The following ARL13B variants were observed in gnomAD, a reference collection of about 807,000 sequenced individuals.
ARL13B encodes the protein ARF like GTPase 13B.
ARL13B carries 36 observed loss-of-function variants against 56.1 expected under a neutral mutation model. The ratio of observed to expected loss-of-function variants is 0.64; its 90% CI spans 0.49 to 0.85. The LOEUF (loss-of-function observed/expected upper bound fraction) is 0.85, where lower values mean the gene tolerates loss of function less well. Among genes scored for constraint, ARL13B ranks in the 40% least tolerant of loss-of-function variants. ARL13B has a pLI of 0.00. For synonymous variants in ARL13B, 178 were observed against 171.1 expected (o/e 1.04, Z -0.32); for missense variants, 519 against 507.1 (o/e 1.02, Z -0.23).
In ARL13B at chr3:93,980,355, C is replaced by T; in HGVS notation, c.-69C>T. Reference sequence around the variant, plus strand: ...GGGCGTCTCGGAGTGCCGGAGGCCCCCGGGGAAGAGCGGGGTGCCGGTGTC... The same window carrying T: ...GGGCGTCTCGGAGTGCCGGAGGCCCTCGGGGAAGAGCGGGGTGCCGGTGTC... On this transcript the variant is annotated 5_prime_UTR_variant, in exon 1 of 10. Coordinates refer to ENST00000394222, the MANE Select transcript of ARL13B (RefSeq NM_001174150.2). The T allele has an allele frequency of 1.3e-6, 2 of 1,596,486 alleles. No homozygotes were observed. The highest frequency in any genetic ancestry group is 1.7e-4 in the Middle Eastern group (1 of 6,034).
chr3:93,985,068 A>C (rs891152626), intron 1 of ARL13B, among the ~76,000 whole-genome samples: 1 of 152,190 alleles, frequency 6.6e-6, no homozygotes, highest in South Asian at 2.1e-4. Context: ...ATTCAAATAT[A>C]TTACTGTTTC....
At chr3:93,998,479 A>T (rs1409560752) in intron 2 of ARL13B, among the ~76,000 whole-genome samples, 1 of 152,052 alleles carries the variant, frequency 6.6e-6, no homozygotes, top group Non-Finnish European at 1.5e-5. Flanking sequence ...TCAGTTTCTT[A>T]CTTTGAAATT....
chr3:94,038,342 C>T (rs1049664891), intron 5 of ARL13B, among the ~76,000 whole-genome samples: 4 of 152,028 alleles, frequency 2.6e-5, no homozygotes, highest in African/African-American at 9.7e-5. Context: ...TTGCAAATCT[C>T]CAAATCTTGG....
chr3:93,980,554 CT>C, intron 1 of ARL13B, 72 bp downstream of exon 1: 2 of 1,579,894 alleles, frequency 1.3e-6, no homozygotes, highest in Non-Finnish European at 1.7e-6. Context: ...GAGGCGCCGC[CT>C]TTTCCCCGCG....
intron 3 of ARL13B, among the ~76,000 whole-genome samples, chr3:94,023,086 T>A (rs1212394875): frequency 1.3e-5 from 2 of 152,092 alleles, no homozygotes; most frequent in Admixed American, 1.3e-4. Context: ...TCCTCACCTT[T>A]CTTGGTTTAT....
rs144961534 is a variant in ARL13B at position 94,043,112 on chromosome 3, A to C, written c.896A>C (p.Glu299Ala). The C allele has an allele frequency of 7.5e-5, 121 of 1,613,696 alleles. No individual in the cohort carries two copies. The highest frequency in any genetic ancestry group is 9.6e-5 in the Non-Finnish European group (113 of 1,179,956). ...CATAAAATGGAGCATGAGCAAATAG[A>C]GACACAAGGCCAGGTTAATCACAAT... Reference protein sequence around the residue: ...LKHKMEHEQIETQGQVNHNGQ... With the variant: ...LKHKMEHEQIATQGQVNHNGQ... Residue 299 changes from glutamate (E) to alanine (A), a missense_variant, in exon 7 of 10, where the codon GAG (glutamate) becomes GCG (alanine). Transcript: ENST00000394222.
At chr3:94,004,747 A>G (rs2076105847) in intron 3 of ARL13B, among the ~76,000 whole-genome samples, 1 of 152,132 alleles carries the variant, frequency 6.6e-6, no homozygotes, top group African/African-American at 2.4e-5. Flanking sequence ...CTCTGATTGC[A>G]AAAGTTAAAA....
chr3:94,045,964 A>G (rs1299721609), intron 7 of ARL13B, among the ~76,000 whole-genome samples: 8 of 146,606 alleles, frequency 5.5e-5, no homozygotes, highest in African/African-American at 9.8e-5. Flanking sequence ...AAAAAAAAAA[A>G]AAAGAAAAAA....
chr3:94,015,328 T>A, intron 3 of ARL13B: 1 of 1,427,778 alleles, frequency 7.0e-7, no homozygotes, highest in African/African-American at 1.4e-5. Context: ...AATTTGGTAT[T>A]TTTCCCCAGT....
chr3:93,986,927 G>A (rs561076425), intron 1 of ARL13B, among the ~76,000 whole-genome samples: 26 of 151,434 alleles, frequency 1.7e-4, no homozygotes, highest in Middle Eastern at 6.8e-3. Context: ...TGGAGATCTC[G>A]CCACTGCACA....
chr3:94,002,813 A>G (rs950844379), intron 2 of ARL13B, among the ~76,000 whole-genome samples: 1 of 152,036 alleles, frequency 6.6e-6, no homozygotes, highest in African/African-American at 2.4e-5. Context: ...ACCCTCTTCT[A>G]TTTGCATTCC....
rs1471304988 is a variant in ARL13B, at chr3:94,024,250, A to G, written c.381-11081A>G. ...ATGAATTCTTAAAAATACAGCATAT[A>G]TAGCTGAAGTGCTAGTTGCCACATT... On this transcript the variant is annotated intron_variant, in intron 3 of 9. Coordinates refer to ENST00000394222, the MANE Select transcript of ARL13B (RefSeq NM_001174150.2). 3.3e-5 allele frequency among the ~76,000 whole-genome samples: 5 copies of G among 152,348 alleles called. No homozygotes were observed. In the East Asian group the frequency reaches 9.6e-4, roughly 29 times the overall value.
At chr3:94,035,164 G>T (rs2076744457) in intron 3 of ARL13B, among the ~76,000 whole-genome samples, 167 bp from the exon 4 acceptor site, 1 of 151,492 alleles carries the variant, frequency 6.6e-6, no homozygotes, top group Non-Finnish European at 1.5e-5. Context: ...TTGAACCTGG[G>T]AGGCGGAGGT....
At chr3:94,050,248 C>T (rs1209376237) in intron 8 of ARL13B, among the ~76,000 whole-genome samples, 2 of 150,852 alleles carry the variant, frequency 1.3e-5, no homozygotes, top group Non-Finnish European at 3.0e-5. Context: ...TTTTCTAATA[C>T]ATTTTCAATA....
intron 1 of ARL13B, among the ~76,000 whole-genome samples, chr3:93,985,624 T>A (rs1710424168): frequency 6.6e-6 from 1 of 152,182 alleles, no homozygotes; most frequent in Non-Finnish European, 1.5e-5. Flanking sequence ...AAAAGAAAGA[T>A]ATAATAAGTA....
intron 7 of ARL13B, among the ~76,000 whole-genome samples, chr3:94,046,460 C>T (rs898325529): frequency 1.3e-5 from 2 of 151,964 alleles, no homozygotes; most frequent in Admixed American, 6.6e-5. Context: ...GCTTTCTGAA[C>T]TCAACGTCAT....
Position 94,025,095 on chromosome 3 carries a change from A to G in ARL13B, c.381-10236A>G, listed in dbSNP as rs958566414. On this transcript the variant is annotated intron_variant, in intron 3 of 9. Coordinates refer to ENST00000394222, the MANE Select transcript of ARL13B (RefSeq NM_001174150.2). ...TTGGAAAGCAGGATATTTGAGTCTGACCTCTATAAAGGTTGTTTTTTTCCT... is the reference window on the plus strand; with the variant it reads ...TTGGAAAGCAGGATATTTGAGTCTGGCCTCTATAAAGGTTGTTTTTTTCCT... 2.0e-5 allele frequency among the ~76,000 whole-genome samples: 3 copies of G among 152,130 alleles called. No individual in the cohort carries two copies. In the South Asian group the frequency reaches 6.2e-4, roughly 32 times the overall value.
chr3:94,005,084 T>C (rs2076112091), intron 3 of ARL13B, among the ~76,000 whole-genome samples: 1 of 152,194 alleles, frequency 6.6e-6, no homozygotes, highest in Admixed American at 6.5e-5. Context: ...CATTAATACA[T>C]GCATTAATTC....
intron 1 of ARL13B, among the ~76,000 whole-genome samples, chr3:93,994,445 G>C (rs574554597): frequency 1.2e-4 from 14 of 113,174 alleles, no homozygotes; most frequent in African/African-American, 4.9e-4. Context: ...TTTTTTCCCC[G>C]TAGTACCTAA....
Sources: gnomAD v4.1 joint callset for allele counts (sites outside exome capture counted in the v4.1 genomes callset) on GRCh38, gnomAD v4.1.1 for gene constraint, MANE v1.5 for transcripts, NCBI Gene and HGNC (gene_info 2026-07-23, HGNC 2026-07-21) for gene names.